GRK5: variants seen among roughly 807,000 people sequenced by gnomAD.
The protein encoded by GRK5 is G protein-coupled receptor kinase 5, also known as g protein-coupled receptor kinase GRK5.
Under a neutral mutation model 78.4 loss-of-function variants are expected in GRK5, and 40 were observed. The ratio of observed to expected loss-of-function variants is 0.51; its 90% CI spans 0.40 to 0.66. The LOEUF is 0.66. Among genes scored for constraint, GRK5 ranks in the 30% least tolerant of loss-of-function variants. GRK5 has a pLI of 0.00. For missense variants in GRK5, 598 were observed against 759.9 expected (o/e 0.79, Z 2.50); for synonymous variants, 289 against 296.8 (o/e 0.97, Z 0.27).
Position 119,442,030 on chromosome 10 carries a change from T to A in GRK5, c.999T>A (p.Ala333=). Residue 333 remains alanine, a synonymous_variant, in exon 11 of 16, where the codon GCT becomes GCA. Coordinates refer to ENST00000392870, the MANE Select transcript of GRK5 (RefSeq NM_005308.3). The part of the protein sequence containing the change: ...GHIRISDLGL[A]VKIPEGDLIR... The stretch of plus-strand genomic sequence containing the variant: ...TTAGGATCTCAGACCTGGGCTTGGC[T>A]GTGAAGATCCCCGAGGGAGACCTGA... 1 of 1,613,970 alleles carries A rather than the reference T, an allele frequency of 6.2e-7. No individual in the cohort carries two copies. The highest frequency in any genetic ancestry group is 8.5e-7 in the Non-Finnish European group (1 of 1,179,912).
intron 13 of GRK5, among the ~76,000 whole-genome samples, chr10:119,451,346 A>G (rs1053620425): frequency 8.5e-5 from 13 of 152,106 alleles, no homozygotes; most frequent in Admixed American, 3.9e-4. Flanking sequence ...TTTCTGTTCC[A>G]TTACAGATTT....
intron 2 of GRK5, among the ~76,000 whole-genome samples, chr10:119,348,120 G>T (rs1361312170): frequency 2.6e-5 from 4 of 152,238 alleles, no homozygotes; most frequent in African/African-American, 9.6e-5. Flanking sequence ...TGCTTGCTAT[G>T]TGTGTTGGCT....
chr10:119,267,922 T>C lies in GRK5; in HGVS notation c.53-58594T>C, dbSNP rs1200418296. On this transcript the variant is annotated intron_variant, in intron 1 of 15. Transcript: ENST00000392870. The surrounding 1 kb of genome is among the most constrained non-coding windows in gnomAD (Gnocchi z 4.1). Reference sequence around the variant, plus strand: ...CTGCCTCATAGGAAATGGGGTCCCCTGAGGAGAAGGACAAAAGCAGACAAT... The same window carrying C: ...CTGCCTCATAGGAAATGGGGTCCCCCGAGGAGAAGGACAAAAGCAGACAAT... 6.6e-6 allele frequency among the ~76,000 whole-genome samples: 1 copy of C among 152,076 alleles called. No individual in the cohort carries two copies. Among genetic ancestry groups the C allele is most frequent in the Admixed American group, 6.5e-5 (1 of 15,274 alleles).
intron 4 of GRK5, among the ~76,000 whole-genome samples, chr10:119,415,942 C>G (rs1373517891): frequency 6.6e-6 from 1 of 152,210 alleles, no homozygotes; most frequent in African/African-American, 2.4e-5. Context: ...TCTCCACCTC[C>G]TCCGCCGTCT....
intron 1 of GRK5, among the ~76,000 whole-genome samples, chr10:119,291,227 C>G (rs892495488): frequency 6.6e-6 from 1 of 152,130 alleles, no homozygotes; most frequent in Non-Finnish European, 1.5e-5. Flanking sequence ...TTTCTGAAAG[C>G]TGCCATTGGA....
Position 119,207,893 on chromosome 10 carries a change from C to T in GRK5, c.-25C>T, listed in dbSNP as rs112389603. On this transcript the variant is annotated 5_prime_UTR_variant, in exon 1 of 16. Coordinates refer to ENST00000392870, the MANE Select transcript of GRK5 (RefSeq NM_005308.3). ...AGGCGCTGACAGCCCCGCCGGCCGG[C>T]TCCGTTGCTGACCGCCGACTGTCAA... 153 of 1,589,322 alleles carry T rather than the reference C, an allele frequency of 9.6e-5. No homozygotes were observed. In the African/African-American group the frequency reaches 1.9e-3, roughly 20 times the overall value.
chr10:119,262,388 G>T (rs1849426000), intron 1 of GRK5, among the ~76,000 whole-genome samples: 1 of 133,768 alleles, frequency 7.5e-6, no homozygotes, highest in Non-Finnish European at 1.5e-5. Context: ...GCCCAGGCTG[G>T]AGTGCAGTGG....
intron 1 of GRK5, among the ~76,000 whole-genome samples, chr10:119,287,324 G>GGGAAGGAAGGAAGGGAAGAAGAAAGGGAA (rs1564877386): frequency 2.1e-4 from 2 of 9,390 alleles, no homozygotes; most frequent in Admixed American, 9.9e-4. Flanking sequence ...GAGAGAGGGA[G>GGGAAGGAAGGAAGGGAAGAAGAAAGGGAA]GGAGGAAGGG....
chr10:119,444,053 C>A lies in GRK5; in HGVS notation c.1266+301C>A, dbSNP rs796358576. 3.9e-4 allele frequency among the ~76,000 whole-genome samples: 59 copies of A among 152,132 alleles called. 1 individual carries two copies. Among genetic ancestry groups the A allele is most frequent in the African/African-American group, 1.2e-3 (48 of 41,502 alleles). ...AGCCTGTGGGGGGGTCCACACAGGG[C>A]GGAGAAGAGATGGTCTGAGCTGGTG... On this transcript the variant is annotated intron_variant, in intron 12 of 15. Transcript: ENST00000392870.
intron 1 of GRK5, among the ~76,000 whole-genome samples, chr10:119,308,264 G>A (rs1002025583): frequency 1.3e-5 from 2 of 152,122 alleles, no homozygotes; most frequent in Admixed American, 6.5e-5. Context: ...CACTGATTGC[G>A]CACCCCAGGC....
intron 1 of GRK5, among the ~76,000 whole-genome samples, chr10:119,247,360 A>G (rs1849130266): frequency 6.6e-6 from 1 of 152,178 alleles, no homozygotes; most frequent in South Asian, 2.1e-4. Context: ...GGGAAATCTC[A>G]TTTCCACAGT....
At chr10:119,438,651 A>G (rs1357595643) in intron 9 of GRK5, among the ~76,000 whole-genome samples, 4 of 152,108 alleles carry the variant, frequency 2.6e-5, no homozygotes, top group Admixed American at 1.3e-4. Flanking sequence ...GGGGAAAGAG[A>G]ACCACAGTGC....
intron 1 of GRK5, among the ~76,000 whole-genome samples, chr10:119,222,510 A>G (rs1848670592): frequency 6.6e-6 from 1 of 151,956 alleles, no homozygotes; most frequent in Non-Finnish European, 1.5e-5. Context: ...TTTGCATGGA[A>G]TTTACCTAGA....
intron 1 of GRK5, among the ~76,000 whole-genome samples, chr10:119,304,902 T>A (rs1850248898): frequency 6.6e-6 from 1 of 152,182 alleles, no homozygotes; most frequent in Admixed American, 6.5e-5. Context: ...CTTCTGTCCC[T>A]CCCTCCCTTG....
intron 1 of GRK5, among the ~76,000 whole-genome samples, chr10:119,223,531 T>C (rs1359748982): frequency 6.6e-6 from 1 of 151,980 alleles, no homozygotes; most frequent in Non-Finnish European, 1.5e-5. Context: ...GAGTGCCTTC[T>C]GAGATTATCT....
chr10:119,309,300 C>T lies in GRK5; in HGVS notation c.53-17216C>T, dbSNP rs74157653. On this transcript the variant is annotated intron_variant, in intron 1 of 15. Transcript: ENST00000392870. The stretch of plus-strand genomic sequence containing the variant: ...CCTGTGAGCTCTTGTAGGGCAGGGG[C>T]CACGTGCCAAGCACCAAGTAGGTCC... 5.1e-3 allele frequency among the ~76,000 whole-genome samples: 781 copies of T among 152,328 alleles called. 3 individuals are homozygous for T. Among genetic ancestry groups the T allele is most frequent in the African/African-American group, 0.018 (745 of 41,570 alleles).
chr10:119,392,432 G>A (rs1048770279), intron 3 of GRK5, among the ~76,000 whole-genome samples: 2 of 152,126 alleles, frequency 1.3e-5, no homozygotes, highest in Admixed American at 1.3e-4. Context: ...TGAGTTCTGG[G>A]CAGGGAGAGC....
intron 2 of GRK5, among the ~76,000 whole-genome samples, chr10:119,376,637 T>C (rs1414302708): frequency 6.8e-6 from 1 of 146,680 alleles, no homozygotes; most frequent in Non-Finnish European, 1.5e-5. Context: ...CGATCTTGGC[T>C]CACTGCAACC....
At chr10:119,365,184 G>A (rs1156236325) in intron 2 of GRK5, among the ~76,000 whole-genome samples, 6 of 152,154 alleles carry the variant, frequency 3.9e-5, no homozygotes, top group African/African-American at 1.4e-4. Context: ...CATGTTTTAG[G>A]TTCTCCATGC....
Sources: gnomAD v4.1 joint callset for allele counts (sites outside exome capture counted in the v4.1 genomes callset) on GRCh38, gnomAD v4.1.1 for gene constraint, Gnocchi (gnomAD v3.1) non-coding constraint, MANE v1.5 for transcripts, NCBI Gene and HGNC (gene_info 2026-07-23, HGNC 2026-07-21) for gene names.